ZFAND3: variants seen among roughly 807,000 people sequenced by gnomAD.
ZFAND3 encodes AN1-type zinc finger protein 3.
ZFAND3 carries 10 observed loss-of-function variants against 29.6 expected under a neutral mutation model. That is an observed-to-expected ratio of 0.34 (90% confidence interval 0.21 to 0.57). The LOEUF (loss-of-function observed/expected upper bound fraction) is 0.57. ZFAND3 is among the 20% of genes least tolerant of loss of function. ZFAND3 has a pLI of 0.86. For missense variants in ZFAND3, 230 were observed against 304.5 expected, an observed-to-expected ratio of 0.76 and a Z score of 1.82; for synonymous variants, 128 against 112.6, an observed-to-expected ratio of 1.14 and a Z score of -0.87.
intron 3 of ZFAND3, among the ~76,000 whole-genome samples, chr6:38,075,458 A>T (rs1764533836): frequency 6.6e-6 from 1 of 152,238 alleles, no homozygotes; most frequent in Admixed American, 6.5e-5. Context: ...TGATGAGGTG[A>T]CTGAATTGCA....
At chr6:37,938,574 A>G (rs1010119070) in intron 2 of ZFAND3, among the ~76,000 whole-genome samples, 3 of 152,122 alleles carry the variant, frequency 2.0e-5, no homozygotes, top group Non-Finnish European at 4.4e-5. Flanking sequence ...TTTATGGTGT[A>G]GCCTCCCTTA....
intron 1 of ZFAND3, among the ~76,000 whole-genome samples, chr6:37,894,621 C>T (rs191974936): frequency 1.3e-4 from 20 of 152,262 alleles, no homozygotes; most frequent in Admixed American, 1.3e-3. Context: ...GTCCTCCTGG[C>T]TTAGCCTCCC....
chr6:38,126,117 A>G (rs1008088056), intron 5 of ZFAND3, among the ~76,000 whole-genome samples: 2 of 152,164 alleles, frequency 1.3e-5, no homozygotes, highest in East Asian at 1.9e-4. Flanking sequence ...GCCCCAGCCA[A>G]CCACTTAAAG....
intron 2 of ZFAND3, among the ~76,000 whole-genome samples, chr6:37,974,400 C>CT (rs1438217995): frequency 4.0e-5 from 4 of 99,798 alleles, no homozygotes; most frequent in African/African-American, 1.6e-4. Context: ...CTCTCTCTCT[C>CT]TCTTTTTTTT....
chr6:38,111,577 T>A (rs941796132), intron 4 of ZFAND3, among the ~76,000 whole-genome samples: 1 of 152,198 alleles, frequency 6.6e-6, no homozygotes, highest in Non-Finnish European at 1.5e-5. Context: ...ACAACAACGA[T>A]GAAGACTTCG....
chr6:38,018,463 A>C (rs1035915825), intron 2 of ZFAND3, among the ~76,000 whole-genome samples: 1 of 152,224 alleles, frequency 6.6e-6, no homozygotes, highest in Non-Finnish European at 1.5e-5. Context: ...CACACATTCC[A>C]CAGAATTTTT....
intron 5 of ZFAND3, among the ~76,000 whole-genome samples, chr6:38,138,493 C>G (rs1371201593): frequency 1.3e-5 from 2 of 152,124 alleles, no homozygotes; most frequent in Non-Finnish European, 2.9e-5. Context: ...AAGGCAGAAG[C>G]AGGCAACACG....
At chr6:37,919,077 C>T (rs910875549) in intron 1 of ZFAND3, among the ~76,000 whole-genome samples, 8 of 151,366 alleles carry the variant, frequency 5.3e-5, no homozygotes, top group Admixed American at 4.0e-4. Context: ...CCTCAGCCTC[C>T]CGAGTAGCTG....
intron 3 of ZFAND3, among the ~76,000 whole-genome samples, chr6:38,064,881 T>C (rs549879770): frequency 5.9e-5 from 9 of 152,154 alleles, no homozygotes; most frequent in Admixed American, 2.6e-4. Flanking sequence ...GTTGGAGATA[T>C]GGTGATGACT....
intron 2 of ZFAND3, among the ~76,000 whole-genome samples, chr6:38,047,877 C>G (rs1486605738): frequency 6.6e-6 from 1 of 151,390 alleles, no homozygotes; most frequent in African/African-American, 2.4e-5. Flanking sequence ...ATTATAGGGT[C>G]ATTCGTTTTT....
At chr6:38,091,948 G>T (rs2127474375) in intron 4 of ZFAND3, among the ~76,000 whole-genome samples, 1 of 152,084 alleles carries the variant, frequency 6.6e-6, no homozygotes, top group South Asian at 2.1e-4. Flanking sequence ...ATGCTGATGG[G>T]TTTTACTGCC....
chr6:38,036,256 C>T (rs1763654796), intron 2 of ZFAND3, among the ~76,000 whole-genome samples: 2 of 152,218 alleles, frequency 1.3e-5, no homozygotes, highest in South Asian at 4.1e-4. Flanking sequence ...CCTAAGAAGC[C>T]AGGCTGAAAG....
chr6:37,942,446 G>A (rs763066472), intron 2 of ZFAND3, among the ~76,000 whole-genome samples: 4 of 152,054 alleles, frequency 2.6e-5, no homozygotes, highest in Non-Finnish European at 5.9e-5. Context: ...TTGAACCAAT[G>A]GCTGCTGCTG....
chr6:38,109,282 A>G lies in ZFAND3; in HGVS notation c.362-7290A>G, dbSNP rs1205885710. 2.0e-5 allele frequency among the ~76,000 whole-genome samples: 3 copies of G among 150,894 alleles called. No individual in the cohort carries two copies. The Admixed American group carries it at 2.0e-4, about 10-fold the overall frequency. On this transcript the variant is annotated intron_variant, in intron 4 of 5. Transcript: ENST00000287218. ...ACTGCAACCTCCACCTCCTGCGTTC[A>G]AGCGATTCTCTTGCCTCAACCTCCT...
At chr6:37,973,407 T>C (rs1276939627) in intron 2 of ZFAND3, among the ~76,000 whole-genome samples, 1 of 152,202 alleles carries the variant, frequency 6.6e-6, no homozygotes, top group Admixed American at 6.5e-5. Context: ...TAAAGAGTTG[T>C]TAAAAAGCTA....
intron 2 of ZFAND3, among the ~76,000 whole-genome samples, chr6:37,955,092 C>G (rs1762063187): frequency 6.6e-6 from 1 of 151,990 alleles, no homozygotes; most frequent in South Asian, 2.1e-4. Context: ...CTCTGTCCTG[C>G]AAATTCTAGC....
intron 2 of ZFAND3, among the ~76,000 whole-genome samples, chr6:37,984,886 T>C (rs1016469297): frequency 6.6e-6 from 1 of 152,198 alleles, no homozygotes; most frequent in Non-Finnish European, 1.5e-5. Context: ...ATCAGAGAGG[T>C]CATTGCTGTA....
At chr6:38,138,157 GA>G (rs201135730) in intron 5 of ZFAND3, among the ~76,000 whole-genome samples, 6 of 145,228 alleles carry the variant, frequency 4.1e-5, no homozygotes, top group South Asian at 2.2e-4. Flanking sequence ...ATTAAAGAAA[GA>G]AAAAAAAAAG....
At chr6:37,886,322 C>G (rs974119934) in intron 1 of ZFAND3, among the ~76,000 whole-genome samples, 1 of 145,468 alleles carries the variant, frequency 6.9e-6, no homozygotes, top group Non-Finnish European at 1.5e-5. Context: ...ATTACTACAA[C>G]CAACCTTAAT....
Sources: gnomAD v4.1 joint callset for allele counts (sites outside exome capture counted in the v4.1 genomes callset) on GRCh38, gnomAD v4.1.1 for gene constraint, MANE v1.5 for transcripts, NCBI Gene and HGNC (gene_info 2026-07-23, HGNC 2026-07-21) for gene names.